SCAPER: variants seen among roughly 807,000 people sequenced by gnomAD.
SCAPER encodes the protein S-phase cyclin A associated protein in the ER.
SCAPER carries 98 observed loss-of-function variants against 182.2 expected under a neutral mutation model. The observed-to-expected ratio is 0.54, with a 90% confidence interval of 0.46 to 0.64. The LOEUF (loss-of-function observed/expected upper bound fraction) is 0.64, where lower values mean the gene tolerates loss of function less well. Ranked by LOEUF, SCAPER falls within the 30% of genes least tolerant of loss-of-function variation. SCAPER has a pLI of 0.00. For missense variants in SCAPER, 1,432 were observed against 1,690.0 expected (o/e 0.85, Z 2.68); for synonymous variants, 605 against 564.6 (o/e 1.07, Z -1.01).
chr15:76,774,467 A>T (rs1406432661), intron 9 of SCAPER: 1 of 344,156 alleles, frequency 2.9e-6, no homozygotes, highest in East Asian at 9.5e-5. Flanking sequence ...TATAAATTAA[A>T]TAATACATAG....
intron 22 of SCAPER, among the ~76,000 whole-genome samples, chr15:76,604,703 G>A (rs574363247): frequency 6.6e-6 from 1 of 151,980 alleles, no homozygotes; most frequent in Non-Finnish European, 1.5e-5. Flanking sequence ...TTATTTCACT[G>A]AGCAGTGGTT....
At chr15:76,893,514 C>CA (rs879803102) in intron 1 of SCAPER, among the ~76,000 whole-genome samples, 62 of 141,684 alleles carry the variant, frequency 4.4e-4, no homozygotes, top group Middle Eastern at 3.5e-3. Context: ...ATCATCCAGA[C>CA]AAAAAAAAAA....
At chr15:76,844,622 G>A (rs2069856228) in intron 4 of SCAPER, among the ~76,000 whole-genome samples, 1 of 152,048 alleles carries the variant, frequency 6.6e-6, no homozygotes, top group African/African-American at 2.4e-5. Flanking sequence ...TAGAGAGAAT[G>A]GATAAATTCC....
chr15:76,568,457 G>A lies in SCAPER; in HGVS notation c.2838+5701C>T, dbSNP rs2047202570. Reference sequence around the variant, plus strand: ...TGCAACTTCTGACTCCTGAGTTCGAGTGATTCTCCTGTCTCAGACTCCCAA... The same window carrying A: ...TGCAACTTCTGACTCCTGAGTTCGAATGATTCTCCTGTCTCAGACTCCCAA... On this transcript the variant is annotated intron_variant, in intron 23 of 31. Coordinates refer to ENST00000563290, the MANE Select transcript of SCAPER (RefSeq NM_020843.4). 2.0e-5 allele frequency among the ~76,000 whole-genome samples: 3 copies of A among 152,014 alleles called. No individual in the cohort carries two copies. In the South Asian group the frequency reaches 6.3e-4, roughly 32 times the overall value.
At chr15:76,461,202 T>C (rs896538430) in intron 25 of SCAPER, among the ~76,000 whole-genome samples, 8 of 152,128 alleles carry the variant, frequency 5.3e-5, no homozygotes, top group African/African-American at 1.9e-4. Context: ...TGTGAGCTTG[T>C]AAACATGTAT....
At chr15:76,625,220 G>C (rs1276015489) in intron 21 of SCAPER, among the ~76,000 whole-genome samples, 1 of 152,118 alleles carries the variant, frequency 6.6e-6, no homozygotes, top group East Asian at 1.9e-4. Context: ...GGCCAGCATG[G>C]GGTAATACTC....
chr15:76,609,588 A>G (rs1167777616), intron 22 of SCAPER, among the ~76,000 whole-genome samples: 1 of 152,176 alleles, frequency 6.6e-6, no homozygotes, highest in Non-Finnish European at 1.5e-5. Flanking sequence ...TACTATTCAT[A>G]GTTATTTAAA....
intron 16 of SCAPER, among the ~76,000 whole-genome samples, chr15:76,730,688 A>C (rs2060872527): frequency 6.6e-6 from 1 of 152,140 alleles, no homozygotes. Flanking sequence ...CTTAGGCATT[A>C]AATATAAATA....
chr15:76,425,438 A>G (rs1024022961), intron 26 of SCAPER, among the ~76,000 whole-genome samples: 1 of 152,204 alleles, frequency 6.6e-6, no homozygotes, highest in African/African-American at 2.4e-5. Context: ...TGTGTCACAT[A>G]GTTCTCGTGC....
intron 1 of SCAPER, among the ~76,000 whole-genome samples, chr15:76,890,370 A>T (rs577963789): frequency 6.6e-6 from 1 of 152,350 alleles, no homozygotes; most frequent in South Asian, 2.1e-4. Flanking sequence ...AAAATAAATG[A>T]ATCCAGGAGC....
chr15:76,507,066 C>T (rs1421199361), intron 23 of SCAPER, among the ~76,000 whole-genome samples: 1 of 152,116 alleles, frequency 6.6e-6, no homozygotes, highest in Middle Eastern at 3.4e-3. Context: ...GAATTGTGCC[C>T]CCCTCAAAAT....
At chr15:76,609,995 A>T (rs1244158216) in intron 22 of SCAPER, among the ~76,000 whole-genome samples, 1 of 151,832 alleles carries the variant, frequency 6.6e-6, no homozygotes, top group East Asian at 1.9e-4. Flanking sequence ...CTGGTGAAAT[A>T]GTTTTTTCTT....
chr15:76,401,953 C>T (rs2044490566), intron 27 of SCAPER, among the ~76,000 whole-genome samples: 1 of 152,010 alleles, frequency 6.6e-6, no homozygotes, highest in Non-Finnish European at 1.5e-5. Flanking sequence ...ATGGTGAAAC[C>T]CCATCTCTAC....
At chr15:76,408,540 A>G (rs1318677716) in intron 26 of SCAPER, among the ~76,000 whole-genome samples, 2 of 152,012 alleles carry the variant, frequency 1.3e-5, no homozygotes, top group Non-Finnish European at 2.9e-5. Context: ...GGGTATGCAT[A>G]TTTTTAGGGC....
chr15:76,820,353 G>T lies in SCAPER; in HGVS notation c.394-15720C>A, dbSNP rs111767722. 5.9e-4 allele frequency among the ~76,000 whole-genome samples: 90 copies of T among 152,094 alleles called. 2 individuals are homozygous for T. Among genetic ancestry groups the T allele is most frequent in the Admixed American group, 2.0e-3 (31 of 15,278 alleles). On this transcript the variant is annotated intron_variant, in intron 5 of 31. Coordinates refer to ENST00000563290, the MANE Select transcript of SCAPER (RefSeq NM_020843.4). ...TGGAACCAACCCAAATGTCCAACAA[G>T]GATAGACTGGATTAAGAAAATGTGG...
intron 26 of SCAPER, among the ~76,000 whole-genome samples, chr15:76,422,329 C>A (rs1302238684): frequency 6.6e-6 from 1 of 152,098 alleles, no homozygotes; most frequent in Non-Finnish European, 1.5e-5. Flanking sequence ...TGAAGAGTTC[C>A]TTCACATCCC....
chr15:76,408,179 CCT>C (rs1293898022), intron 26 of SCAPER, among the ~76,000 whole-genome samples: 2 of 152,070 alleles, frequency 1.3e-5, no homozygotes, highest in Admixed American at 1.3e-4. Flanking sequence ...TGTTAGCTAC[CCT>C]CCATCTTTTA....
At chr15:76,800,950 T>C (rs1598806724) in intron 6 of SCAPER, among the ~76,000 whole-genome samples, 1 of 152,348 alleles carries the variant, frequency 6.6e-6, no homozygotes, top group South Asian at 2.1e-4. Context: ...GCTTACAGGA[T>C]GCATAACATG....
intron 26 of SCAPER, among the ~76,000 whole-genome samples, chr15:76,417,770 A>G (rs534470492): frequency 6.6e-6 from 1 of 152,318 alleles, no homozygotes; most frequent in Non-Finnish European, 1.5e-5. Context: ...CTGTAATCCC[A>G]CAACTTTGGG....
Sources: allele counts gnomAD v4.1 joint callset (sites outside exome capture counted in the v4.1 genomes callset), GRCh38; gene constraint gnomAD v4.1.1; transcripts MANE v1.5; gene names NCBI Gene and HGNC (gene_info 2026-07-23, HGNC 2026-07-21).